RAB38: variants seen among roughly 807,000 people sequenced by gnomAD.
The protein encoded by RAB38 is ras-related protein Rab-38.
A neutral mutation model predicts 18.4 loss-of-function variants in RAB38; 15 were observed. That is an observed-to-expected ratio of 0.82 (90% CI 0.55 to 1.26). The LOEUF (loss-of-function observed/expected upper bound fraction) is 1.26, where lower values mean the gene tolerates loss of function less well. Ranked by LOEUF, RAB38 falls within the 50% of genes most tolerant of loss-of-function variation. The pLI is 0.00. For synonymous variants in RAB38, 101 were observed against 104.4 expected (o/e 0.97, Z 0.20); for missense variants, 294 against 267.4 (o/e 1.10, Z -0.69).
the RAB38 span, among the ~76,000 whole-genome samples, chr11:87,952,508 C>G: frequency 6.6e-6 from 1 of 152,148 alleles, no homozygotes; most frequent in African/African-American, 2.4e-5. Context: ...CCACCTTTTT[C>G]AGAATACCAT....
the RAB38 span, among the ~76,000 whole-genome samples, chr11:87,952,787 T>C: frequency 1.3e-5 from 2 of 152,180 alleles, no homozygotes; most frequent in South Asian, 4.2e-4. Flanking sequence ...TTTTGTCTTT[T>C]ACATGTTTGT....
chr11:88,022,506 C>T, the RAB38 span, among the ~76,000 whole-genome samples: 1 of 143,006 alleles, frequency 7.0e-6, no homozygotes, highest in Non-Finnish European at 1.5e-5. Flanking sequence ...AGAGCAATCA[C>T]ACAAGAAGAA....
the RAB38 span, among the ~76,000 whole-genome samples, chr11:87,930,861 A>G: frequency 2.0e-5 from 3 of 151,810 alleles, no homozygotes; most frequent in Non-Finnish European, 1.5e-5. Flanking sequence ...GGTTTGTCAA[A>G]GTCAGATGGT....
chr11:88,030,619 A>G, the RAB38 span, among the ~76,000 whole-genome samples: 1 of 152,386 alleles, frequency 6.6e-6, no homozygotes, highest in African/African-American at 2.4e-5. Context: ...AATAAACTAG[A>G]AAATCTAGAT....
chr11:88,043,621 C>T, the RAB38 span, among the ~76,000 whole-genome samples: 1,936 of 150,860 alleles, frequency 0.013, 16 homozygotes, highest in Non-Finnish European at 0.019. Context: ...CCCTGCCCAC[C>T]GAGAACAACC....
intron 2 of RAB38, among the ~76,000 whole-genome samples, chr11:88,129,425 G>C (rs1161828669): frequency 6.6e-6 from 1 of 152,164 alleles, no homozygotes; most frequent in Non-Finnish European, 1.5e-5. Flanking sequence ...CGGATCACTT[G>C]AGGTCAGGAA....
the RAB38 span, among the ~76,000 whole-genome samples, chr11:87,969,663 T>C: frequency 6.6e-6 from 1 of 152,102 alleles, no homozygotes; most frequent in Admixed American, 6.6e-5. Flanking sequence ...TGTCGGGAAA[T>C]TATATTTATC....
chr11:87,907,167 G>T, the RAB38 span, among the ~76,000 whole-genome samples: 1 of 151,960 alleles, frequency 6.6e-6, no homozygotes, highest in East Asian at 1.9e-4. Context: ...TTCTCAATTG[G>T]TGTTCCCACA....
the RAB38 span, among the ~76,000 whole-genome samples, chr11:88,079,668 C>T: frequency 0.77 from 116,548 of 151,610 alleles, 44,958 homozygotes; most frequent in African/African-American, 0.83. Context: ...ACAAACCAAA[C>T]CTAGTAATAT....
chr11:88,080,992 T>C, the RAB38 span, among the ~76,000 whole-genome samples: 10 of 151,528 alleles, frequency 6.6e-5, no homozygotes, highest in Non-Finnish European at 1.3e-4. Flanking sequence ...AACAAACAAA[T>C]AAAAGTTGGA....
At chr11:88,022,933 A>G in the RAB38 span, among the ~76,000 whole-genome samples, 1 of 152,170 alleles carries the variant, frequency 6.6e-6, no homozygotes. Flanking sequence ...CCTCACTTAT[A>G]AGTGGGAGTT....
At chr11:87,881,494 C>T in the RAB38 span, among the ~76,000 whole-genome samples, 55 of 151,858 alleles carry the variant, frequency 3.6e-4, no homozygotes, top group Admixed American at 6.6e-4. Context: ...GTGGAGACTG[C>T]ATCATGTCAC....
chr11:88,154,056 A>C (rs557874288), intron 1 of RAB38, among the ~76,000 whole-genome samples: 2 of 152,346 alleles, frequency 1.3e-5, no homozygotes, highest in Admixed American at 6.5e-5. Flanking sequence ...TGAGAGAGGC[A>C]GAGAGCCTCC....
chr11:88,151,494 A>C (rs977307414), intron 1 of RAB38, among the ~76,000 whole-genome samples: 2 of 152,214 alleles, frequency 1.3e-5, no homozygotes, highest in Non-Finnish European at 2.9e-5. Flanking sequence ...GAAGTATGTG[A>C]CCAGACAAAG....
chr11:88,170,601 G>A (rs1943300173), intron 1 of RAB38, among the ~76,000 whole-genome samples: 1 of 152,188 alleles, frequency 6.6e-6, no homozygotes, highest in Non-Finnish European at 1.5e-5. Flanking sequence ...CTGGGCCTGG[G>A]CTGCCTTCAT....
the RAB38 span, among the ~76,000 whole-genome samples, chr11:87,850,551 CTT>C: frequency 6.6e-6 from 1 of 152,068 alleles, no homozygotes; most frequent in Non-Finnish European, 1.5e-5. Flanking sequence ...GAACTACTCT[CTT>C]GTGTTGGCTC....
the RAB38 span, among the ~76,000 whole-genome samples, chr11:87,944,777 G>C: frequency 6.1e-4 from 93 of 152,112 alleles, no homozygotes; most frequent in African/African-American, 2.1e-3. Context: ...TCACACTTAC[G>C]CAGCCAAACC....
chr11:87,948,808 G>A, the RAB38 span, among the ~76,000 whole-genome samples: 1 of 151,520 alleles, frequency 6.6e-6, no homozygotes, highest in Non-Finnish European at 1.5e-5. Context: ...TTTTATTGAG[G>A]ATTTTTGCAT....
the RAB38 span, among the ~76,000 whole-genome samples, chr11:87,843,283 T>G: frequency 1.3e-5 from 2 of 152,232 alleles, no homozygotes. Context: ...ACTTTTATCC[T>G]TATATAGACT....
Sources: gnomAD v4.1 joint callset for allele counts (sites outside exome capture counted in the v4.1 genomes callset) on GRCh38, gnomAD v4.1.1 for gene constraint, MANE v1.5 for transcripts, NCBI Gene and HGNC (gene_info 2026-07-23, HGNC 2026-07-21) for gene names.